The following TUFT1 variants were observed in gnomAD, a reference collection of about 807,000 sequenced individuals.
TUFT1 encodes tuftelin.
A neutral mutation model predicts 57.8 loss-of-function variants in TUFT1; 43 were observed. The observed-to-expected ratio is 0.74, with a 90% CI of 0.58 to 0.96. The LOEUF is 0.96. Ranked by LOEUF, TUFT1 falls within the 40% of genes least tolerant of loss-of-function variation. The pLI is 0.00. For synonymous variants in TUFT1, 166 were observed against 176.7 expected (o/e 0.94, Z 0.48); for missense variants, 459 against 489.0 (o/e 0.94, Z 0.58).
chr1:151,555,646 G>T (rs1485643298), intron 1 of TUFT1, among the ~76,000 whole-genome samples: 1 of 151,366 alleles, frequency 6.6e-6, no homozygotes, highest in Non-Finnish European at 1.5e-5. Flanking sequence ...ACGTTGTGGT[G>T]GGTGCCTATA....
At position 151,581,914 on chromosome 1, in the gene TUFT1, C is replaced by G. The variant is rs1666657944; in HGVS notation, c.*207C>G. ...CGAGCACCTATTCAAGGCACTGCAG[C>G]CCTTTGGAAGACATTGTCCTGCAAG... On this transcript the variant is annotated 3_prime_UTR_variant, in exon 13 of 13. Coordinates refer to ENST00000368849, the MANE Select transcript of TUFT1 (RefSeq NM_020127.3). The G allele has an allele frequency of 4.8e-6, 3 of 627,984 alleles. No homozygotes were observed. Among genetic ancestry groups the G allele is most frequent in the Non-Finnish European group, 8.6e-6 (3 of 349,448 alleles). 38.9% of individuals were successfully genotyped at this position (627,984 alleles called of 1,614,324 possible).
chr1:151,564,630 C>T lies in TUFT1; in HGVS notation c.414+16C>T, dbSNP rs1474544832. The stretch of plus-strand genomic sequence containing the variant: ...GGAGATACAGGTAATAGGAAATGGT[C>T]CATGGTTGGGTCCCCACCGAGGAGG... On this transcript the variant is annotated intron_variant, in intron 5 of 12. Transcript: ENST00000368849. The T allele has an allele frequency of 8.7e-6, 14 of 1,607,746 alleles. No homozygotes were observed. Among genetic ancestry groups the T allele is most frequent in the Admixed American group, 8.3e-5 (5 of 59,948 alleles).
At chr1:151,553,885 A>C (rs980986758) in intron 1 of TUFT1, among the ~76,000 whole-genome samples, 1 of 151,626 alleles carries the variant, frequency 6.6e-6, no homozygotes, top group African/African-American at 2.4e-5. Context: ...TTGTGGTTTT[A>C]CTTTCCAGCT....
chr1:151,564,734 A>G, intron 5 of TUFT1, 120 bp downstream of exon 5: 1 of 819,052 alleles, frequency 1.2e-6, no homozygotes, highest in Non-Finnish European at 2.0e-6. Context: ...AATGGAGAAA[A>G]TAGAGGTGAT....
chr1:151,567,748 G>A lies in TUFT1; in HGVS notation c.480+1520G>A, dbSNP rs556779708. 8.1e-3 allele frequency among the ~76,000 whole-genome samples: 1,231 copies of A among 152,254 alleles called. 5 individuals carry two copies. Among genetic ancestry groups the A allele is most frequent in the Non-Finnish European group, 0.014 (974 of 68,014 alleles). ...TTTAGTAGAGATGGGGTTTCACCAT[G>A]TTGGCCAAGCTGGTCTCGAACTCCT... On this transcript the variant is annotated intron_variant, in intron 6 of 12. Coordinates refer to ENST00000368849, the MANE Select transcript of TUFT1 (RefSeq NM_020127.3).
intron 9 of TUFT1, among the ~76,000 whole-genome samples, chr1:151,577,714 G>T (rs1227525992): frequency 6.6e-6 from 1 of 152,140 alleles, no homozygotes; most frequent in African/African-American, 2.4e-5. Context: ...ACAGCTTGAT[G>T]GTGTTGAGTA....
intron 7 of TUFT1, among the ~76,000 whole-genome samples, chr1:151,572,112 A>G (rs1666268822): frequency 6.6e-6 from 1 of 152,002 alleles, no homozygotes; most frequent in African/African-American, 2.4e-5. Flanking sequence ...GAGGTGGGAG[A>G]ATTTTTGGAG....
Position 151,579,719 on chromosome 1 carries a change from A to G in TUFT1, c.995A>G (p.Tyr332Cys). The G allele has an allele frequency of 1.9e-6, 3 of 1,613,832 alleles. No individual in the cohort carries two copies. The highest frequency in any genetic ancestry group is 2.5e-6 in the Non-Finnish European group (3 of 1,179,882). ...TIQELKEKIA[Y>C]LEAENLEMHD... ...CAGGAGCTCAAGGAGAAAATCGCCT[A>G]TCTGGAGGCAGAGGTGTGTGTGCTG... The change falls in exon 11 of 13, where the codon TAT (tyrosine) becomes TGT (cysteine). Residue 332 changes from tyrosine to cysteine, a missense_variant. Physicochemically the swap from Tyr to Cys is radical, Grantham distance 194. Coordinates refer to ENST00000368849, the MANE Select transcript of TUFT1 (RefSeq NM_020127.3).
At chr1:151,561,569 T>A (rs1041720091) in intron 1 of TUFT1, 12 of 985,166 alleles carry the variant, frequency 1.2e-5, no homozygotes, top group Admixed American at 1.2e-4. Flanking sequence ...TCTAGATGAA[T>A]ACCTATTATC....
intron 7 of TUFT1, 108 bp downstream of exon 7, chr1:151,569,878 A>T: frequency 1.1e-6 from 1 of 901,098 alleles, no homozygotes; most frequent in Non-Finnish European, 1.8e-6. Context: ...GAGTGCCACA[A>T]ACTGGAAAGG....
chr1:151,572,228 A>AT (rs3838401), intron 7 of TUFT1, among the ~76,000 whole-genome samples: 88,005 of 150,992 alleles, frequency 0.58, 26,861 homozygotes, highest in Middle Eastern at 0.7. Flanking sequence ...TACATAAATA[A>AT]TTTTTTTTTT....
intron 1 of TUFT1, chr1:151,545,963 A>G (rs2102517030): frequency 2.5e-6 from 1 of 398,984 alleles, no homozygotes; most frequent in Non-Finnish European, 5.2e-6. Flanking sequence ...TTTAAGTAAT[A>G]TATCAGTTTT....
chr1:151,561,865 T>C, intron 1 of TUFT1: 2 of 1,499,732 alleles, frequency 1.3e-6, no homozygotes, highest in Non-Finnish European at 1.8e-6. Context: ...AGGTAATCTT[T>C]GTTGTGAAAG....
intron 1 of TUFT1, among the ~76,000 whole-genome samples, chr1:151,554,695 C>CTT (rs771656418): frequency 0.25 from 21,495 of 85,180 alleles, 5,041 homozygotes; most frequent in Non-Finnish European, 0.32. Flanking sequence ...GCCCGGCCCC[C>CTT]TTTTTTTTTT....
chr1:151,556,465 G>A lies in TUFT1; in HGVS notation c.61-5626G>A, dbSNP rs553600143. On this transcript the variant is annotated intron_variant, in intron 1 of 12. Coordinates refer to ENST00000368849, the MANE Select transcript of TUFT1 (RefSeq NM_020127.3). ...ACTCCGTAGCCCAGGCTGGAGTGCTGTGGTATGATAGCAGCTAGCTACAGC... is the reference window on the plus strand; with the variant it reads ...ACTCCGTAGCCCAGGCTGGAGTGCTATGGTATGATAGCAGCTAGCTACAGC... 7.3e-5 allele frequency among the ~76,000 whole-genome samples: 11 copies of A among 150,542 alleles called. 1 individual carries two copies. In the East Asian group the frequency reaches 1.4e-3, roughly 19 times the overall value.
At chr1:151,557,979 CA>C (rs1309883806) in intron 1 of TUFT1, 9 of 456,758 alleles carry the variant, frequency 2.0e-5, no homozygotes, top group East Asian at 1.1e-4. Context: ...AAACTTACAG[CA>C]AAAAAACTTA....
At chr1:151,551,849 A>G (rs1309619937) in intron 1 of TUFT1, among the ~76,000 whole-genome samples, 1 of 152,186 alleles carries the variant, frequency 6.6e-6, no homozygotes, top group Non-Finnish European at 1.5e-5. Context: ...TTTGTTTTTA[A>G]AAACATTTAA....
chr1:151,574,254 C>T lies in TUFT1; in HGVS notation c.595-16C>T, dbSNP rs754120281. Reference sequence around the variant, plus strand: ...TTTTTCCACACCATTTAACATATTCCTGCTCCGTGTTTTAGGTCACACTCA... The same window carrying T: ...TTTTTCCACACCATTTAACATATTCTTGCTCCGTGTTTTAGGTCACACTCA... On this transcript the variant is annotated splice_polypyrimidine_tract_variant and intron_variant, in intron 7 of 12. Coordinates refer to ENST00000368849, the MANE Select transcript of TUFT1 (RefSeq NM_020127.3). The T allele has an allele frequency of 4.3e-6, 7 of 1,611,028 alleles. No individual in the cohort carries two copies. The Admixed American group carries it at 1.2e-4, about 27-fold the overall frequency.
At chr1:151,580,882 G>A in intron 11 of TUFT1, 60 bp from the exon 12 acceptor site, 1 of 1,483,062 alleles carries the variant, frequency 6.7e-7, no homozygotes, top group Admixed American at 1.7e-5. Flanking sequence ...TGCACTAGCT[G>A]AACGTGGCAC....
Sources: gnomAD v4.1 joint callset for allele counts (sites outside exome capture counted in the v4.1 genomes callset) on GRCh38, gnomAD v4.1.1 for gene constraint, MANE v1.5 for transcripts, NCBI Gene and HGNC (gene_info 2026-07-23, HGNC 2026-07-21) for gene names.